The following COTL1 variants were observed in gnomAD, a reference collection of about 807,000 sequenced individuals.
The protein encoded by COTL1 is coactosin like F-actin binding protein 1, also known as coactosin-like protein.
In COTL1, 15 loss-of-function variants were observed where a neutral mutation model predicts 16.5. The ratio of observed to expected loss-of-function variants is 0.91; its 90% CI spans 0.61 to 1.40. The LOEUF (loss-of-function observed/expected upper bound fraction) is 1.40. Ranked by LOEUF, COTL1 falls within the 40% of genes most tolerant of loss-of-function variation. COTL1 has a pLI of 0.00. For missense variants in COTL1, 220 were observed against 201.5 expected, an observed-to-expected ratio of 1.09 and a Z score of -0.56; for synonymous variants, 112 against 85.3, an observed-to-expected ratio of 1.31 and a Z score of -1.73.
At chr16:84,587,771 A>ATTATTTAT (rs112094914) in intron 3 of COTL1, among the ~76,000 whole-genome samples, 53 of 151,468 alleles carry the variant, frequency 3.5e-4, no homozygotes, top group African/African-American at 1.0e-3. Flanking sequence ...ATGTCCTATC[A>ATTATTTAT]TTATTTATTT....
At chr16:84,597,814 C>T (rs548517103) in intron 2 of COTL1, among the ~76,000 whole-genome samples, 5 of 152,158 alleles carry the variant, frequency 3.3e-5, no homozygotes, top group Admixed American at 1.3e-4. Flanking sequence ...TTCCTGAGCA[C>T]GCCCATCAAA....
chr16:84,566,913 C>T lies in COTL1; in HGVS notation c.361G>A (p.Glu121Lys), dbSNP rs761056676. The T allele has an allele frequency of 6.2e-7, 1 of 1,614,098 alleles. No individual in the cohort carries two copies. The highest frequency in any genetic ancestry group is 1.1e-5 in the South Asian group (1 of 91,072). Reference protein sequence around the residue: ...EFVISDRKELEEDFIKSELKK... With the variant: ...EFVISDRKELKEDFIKSELKK... ...AGCTCGCTCTTGATGAAATCTTCCT[C>T]CAGCTCCTTCCGATCACTGATCACA... The change falls in exon 4 of 4, where the codon GAG (glutamate) becomes AAG (lysine). Residue 121 changes from glutamate (E) to lysine (K), a missense_variant. Glu to Lys is a moderately conservative substitution (Grantham distance 56). Transcript: ENST00000262428.
At chr16:84,594,013 T>C (rs556900429) in intron 2 of COTL1, among the ~76,000 whole-genome samples, 5 of 149,542 alleles carry the variant, frequency 3.3e-5, no homozygotes, top group African/African-American at 1.2e-4. Flanking sequence ...TTCATTGAAA[T>C]GGACTCATAT....
intron 2 of COTL1, among the ~76,000 whole-genome samples, chr16:84,609,495 C>T (rs886477811): frequency 6.6e-6 from 1 of 152,216 alleles, no homozygotes; most frequent in Non-Finnish European, 1.5e-5. Context: ...ACATCTATGC[C>T]AAGTGGTTAG....
intron 3 of COTL1, among the ~76,000 whole-genome samples, chr16:84,579,860 T>C (rs1904540605): frequency 1.3e-5 from 2 of 152,212 alleles, no homozygotes; most frequent in South Asian, 4.1e-4. Context: ...GGGCAAGATG[T>C]AGAGTGCAGT....
chr16:84,577,893 C>A (rs1029950243), intron 3 of COTL1, among the ~76,000 whole-genome samples: 1 of 152,190 alleles, frequency 6.6e-6, no homozygotes, highest in Admixed American at 6.5e-5. Context: ...GGGCCCCTGA[C>A]CTCTTCAGCA....
intron 2 of COTL1, among the ~76,000 whole-genome samples, chr16:84,616,814 G>C (rs374948273): frequency 1.5e-3 from 221 of 152,144 alleles, no homozygotes; most frequent in Non-Finnish European, 2.6e-3. Flanking sequence ...TTTCACGCGG[G>C]TACACACCTG....
intron 2 of COTL1, among the ~76,000 whole-genome samples, chr16:84,607,417 C>G (rs1905235988): frequency 1.3e-5 from 2 of 152,176 alleles, no homozygotes; most frequent in Admixed American, 1.3e-4. Flanking sequence ...ACTGCAGCAT[C>G]TCCAGCAAGC....
chr16:84,583,031 G>C (rs1431687867), intron 3 of COTL1, among the ~76,000 whole-genome samples: 2 of 152,208 alleles, frequency 1.3e-5, no homozygotes, highest in African/African-American at 4.8e-5. Context: ...TGCAACACGA[G>C]TCTACAAAAG....
chr16:84,586,853 G>T (rs1159411800), intron 3 of COTL1, among the ~76,000 whole-genome samples: 1 of 152,012 alleles, frequency 6.6e-6, no homozygotes, highest in Non-Finnish European at 1.5e-5. Flanking sequence ...GTCTCCCAAG[G>T]TGCTAGGATT....
intron 2 of COTL1, among the ~76,000 whole-genome samples, chr16:84,612,535 C>G (rs1905355080): frequency 6.6e-6 from 1 of 151,632 alleles, no homozygotes; most frequent in African/African-American, 2.4e-5. Flanking sequence ...GTAATCCCAG[C>G]ATTTTGGGAG....
rs953058032 is a variant in COTL1 at position 84,612,758 on chromosome 16, C to CA, written c.160+4742dup. On this transcript the variant is annotated intron_variant, in intron 2 of 3. Coordinates refer to ENST00000262428, the MANE Select transcript of COTL1 (RefSeq NM_021149.5). The stretch of plus-strand genomic sequence containing the variant: ...TGGGCGACAGAGAAAAACTTTGTCT[C>CA]AAAAAAAAGAAAAGCAGTGGTAGGG... 1.1e-3 allele frequency among the ~76,000 whole-genome samples: 162 copies of CA among 151,816 alleles called. 2 individuals are homozygous for CA. Among genetic ancestry groups the CA allele is most frequent in the African/African-American group, 3.5e-3 (145 of 41,394 alleles).
intron 3 of COTL1, among the ~76,000 whole-genome samples, chr16:84,589,591 T>A (rs2150687481): frequency 6.6e-6 from 1 of 152,136 alleles, no homozygotes; most frequent in Non-Finnish European, 1.5e-5. Context: ...GATTTTCTTT[T>A]CTCAACATGA....
intron 3 of COTL1, among the ~76,000 whole-genome samples, chr16:84,582,871 G>A (rs1261662081): frequency 6.6e-6 from 1 of 151,966 alleles, no homozygotes; most frequent in Non-Finnish European, 1.5e-5. Flanking sequence ...ATCAACTTGA[G>A]TCTCACTCCC....
chr16:84,577,468 C>G (rs1306215161), intron 3 of COTL1, among the ~76,000 whole-genome samples: 1 of 152,230 alleles, frequency 6.6e-6, no homozygotes, highest in Admixed American at 6.5e-5. Context: ...TGGTCTTGAA[C>G]TCCTGACCTC....
chr16:84,581,817 T>G (rs558374321), intron 3 of COTL1, among the ~76,000 whole-genome samples: 30 of 151,796 alleles, frequency 2.0e-4, no homozygotes, highest in African/African-American at 6.5e-4. Context: ...CTGCTTTCTA[T>G]TGAAACAGAA....
intron 2 of COTL1, among the ~76,000 whole-genome samples, chr16:84,607,680 C>A (rs754757805): frequency 3.4e-4 from 51 of 152,022 alleles, no homozygotes; most frequent in African/African-American, 1.2e-3. Flanking sequence ...CATGTCTGAG[C>A]GTTTGGACCT....
chr16:84,580,863 G>A lies in COTL1; in HGVS notation c.318+9242C>T, dbSNP rs142317982. 7.4e-3 allele frequency among the ~76,000 whole-genome samples: 1,129 copies of A among 152,292 alleles called. 18 individuals are homozygous for A. Among genetic ancestry groups the A allele is most frequent in the African/African-American group, 0.026 (1,067 of 41,548 alleles). ...GTGTTTTAAAAATATATGACATGAG[G>A]CCAGGCATGGTGGCTCACGCCTGTA... On this transcript the variant is annotated intron_variant, in intron 3 of 3. Coordinates refer to ENST00000262428, the MANE Select transcript of COTL1 (RefSeq NM_021149.5).
intron 3 of COTL1, among the ~76,000 whole-genome samples, chr16:84,581,078 G>A (rs1439225156): frequency 6.6e-6 from 1 of 151,612 alleles, no homozygotes; most frequent in African/African-American, 2.4e-5. Flanking sequence ...GGAGACGGAG[G>A]CTGCAGTGAG....
Sources: gnomAD v4.1 joint callset for allele counts (sites outside exome capture counted in the v4.1 genomes callset) on GRCh38, gnomAD v4.1.1 for gene constraint, MANE v1.5 for transcripts, NCBI Gene and HGNC (gene_info 2026-07-23, HGNC 2026-07-21) for gene names.